Variants in CYBRD1 observed in about 807,000 individuals in gnomAD.
The protein encoded by CYBRD1 is cytochrome b reductase 1.
In CYBRD1, 14 loss-of-function variants were observed where a neutral mutation model predicts 21.9. The ratio of observed to expected loss-of-function variants is 0.64; its 90% CI spans 0.42 to 1.00. The LOEUF is 1.00. CYBRD1 is among the 50% of genes least tolerant of loss of function. The pLI is 0.00. For missense variants in CYBRD1, 328 were observed against 352.5 expected, an observed-to-expected ratio of 0.93 and a Z score of 0.56; for synonymous variants, 146 against 136.5, an observed-to-expected ratio of 1.07 and a Z score of -0.48.
At chr2:171,523,015 G>A (rs914281678) in intron 1 of CYBRD1, 2 of 484,638 alleles carry the variant, frequency 4.1e-6, no homozygotes, top group East Asian at 4.2e-5. Flanking sequence ...GAGCGGGGCC[G>A]GCCCCACTTG....
At chr2:171,554,450 C>A in intron 3 of CYBRD1, 74 bp from the exon 4 acceptor site, 1 of 1,487,510 alleles carries the variant, frequency 6.7e-7, no homozygotes, top group Non-Finnish European at 9.3e-7. Context: ...GCATTTTGAG[C>A]AGATAAATTC....
chr2:171,533,636 G>A (rs1048823657), intron 1 of CYBRD1, among the ~76,000 whole-genome samples: 45 of 152,138 alleles, frequency 3.0e-4, no homozygotes, highest in African/African-American at 9.7e-4. Flanking sequence ...AAATAGTTTT[G>A]TAATGGTATA....
At chr2:171,548,912 C>G (rs1697760909) in intron 2 of CYBRD1, among the ~76,000 whole-genome samples, 1 of 152,054 alleles carries the variant, frequency 6.6e-6, no homozygotes. Flanking sequence ...GAAGACCAAC[C>G]TGGGCAGCAT....
At chr2:171,530,150 G>A (rs2105331314) in intron 1 of CYBRD1, among the ~76,000 whole-genome samples, 1 of 152,304 alleles carries the variant, frequency 6.6e-6, no homozygotes, top group Non-Finnish European at 1.5e-5. Flanking sequence ...AGGCCGAAGA[G>A]GGTATGGCAT....
Position 171,527,979 on chromosome 2 carries a change from A to G in CYBRD1, c.193+5241A>G, listed in dbSNP as rs111483094. 1.2e-3 allele frequency among the ~76,000 whole-genome samples: 176 copies of G among 152,266 alleles called. 2 individuals are homozygous for G. The highest frequency in any genetic ancestry group is 4.1e-3 in the African/African-American group (169 of 41,556). On this transcript the variant is annotated intron_variant, in intron 1 of 3. Transcript: ENST00000321348. ...ATTGTGCTTAATATGGTAGCTAATGACTACCATGTCACTAATTCCATTGGT... is the reference window on the plus strand; with the variant it reads ...ATTGTGCTTAATATGGTAGCTAATGGCTACCATGTCACTAATTCCATTGGT...
intron 1 of CYBRD1, among the ~76,000 whole-genome samples, chr2:171,532,012 G>A (rs373805225): frequency 2.6e-5 from 4 of 152,152 alleles, no homozygotes; most frequent in African/African-American, 9.7e-5. Context: ...ACTTTCCAGA[G>A]ATTTTCAGTT....
At chr2:171,540,645 T>G (rs1356132406) in intron 1 of CYBRD1, among the ~76,000 whole-genome samples, 4 of 152,136 alleles carry the variant, frequency 2.6e-5, no homozygotes, top group African/African-American at 9.7e-5. Flanking sequence ...ATACTTGGTG[T>G]TTTCCAGGTT....
At chr2:171,533,051 G>A (rs893538571) in intron 1 of CYBRD1, among the ~76,000 whole-genome samples, 2 of 151,884 alleles carry the variant, frequency 1.3e-5, no homozygotes, top group Non-Finnish European at 2.9e-5. Context: ...TGCTTTATTA[G>A]CAATTATTCC....
At chr2:171,532,033 C>T (rs796886816) in intron 1 of CYBRD1, among the ~76,000 whole-genome samples, 19 of 152,298 alleles carry the variant, frequency 1.2e-4, no homozygotes, top group African/African-American at 4.3e-4. Flanking sequence ...TCATGACATT[C>T]GTGCTGTGAG....
Position 171,522,746 on chromosome 2 carries a change from C to A in CYBRD1, c.193+8C>A. On this transcript the variant is annotated splice_region_variant and intron_variant, in intron 1 of 3. Coordinates refer to ENST00000321348, the MANE Select transcript of CYBRD1 (RefSeq NM_024843.4). The surrounding 1 kb of genome is among the most constrained non-coding windows in gnomAD (Gnocchi z 4.3). Reference sequence around the variant, plus strand: ...TCTTCATCCAGGGCATCGGTACTGGCACCTCCTGGGGGGGTGCGGGGAGGA... The same window carrying A: ...TCTTCATCCAGGGCATCGGTACTGGAACCTCCTGGGGGGGTGCGGGGAGGA... 1 of 1,613,340 alleles carries A rather than the reference C, an allele frequency of 6.2e-7. No homozygotes were observed. Among genetic ancestry groups the A allele is most frequent in the Non-Finnish European group, 8.5e-7 (1 of 1,179,884 alleles).
At chr2:171,545,700 A>G (rs1697702698) in intron 2 of CYBRD1, among the ~76,000 whole-genome samples, 1 of 151,638 alleles carries the variant, frequency 6.6e-6, no homozygotes. Context: ...ATGTTTATTT[A>G]TTTTTTAATT....
intron 3 of CYBRD1, among the ~76,000 whole-genome samples, 160 bp from the exon 4 acceptor site, chr2:171,554,364 C>T (rs2111719): frequency 1 from 151,618 of 152,310 alleles, 75,465 homozygotes; most frequent in Middle Eastern, 1. Context: ...TATATATTCC[C>T]GAGTGAATTG....
chr2:171,533,553 C>G (rs1386353787), intron 1 of CYBRD1, among the ~76,000 whole-genome samples: 1 of 152,200 alleles, frequency 6.6e-6, no homozygotes, highest in Non-Finnish European at 1.5e-5. Context: ...CCTCTAAGCA[C>G]TCTTCCCCTA....
chr2:171,554,017 C>A (rs1055013911), intron 3 of CYBRD1, among the ~76,000 whole-genome samples: 1 of 152,290 alleles, frequency 6.6e-6, no homozygotes, highest in Middle Eastern at 3.4e-3. Context: ...TTCTTGGGTC[C>A]AAATAGCCCC....
At chr2:171,528,388 A>G (rs1697415808) in intron 1 of CYBRD1, among the ~76,000 whole-genome samples, 2 of 151,428 alleles carry the variant, frequency 1.3e-5, no homozygotes, top group East Asian at 3.9e-4. Flanking sequence ...TCTGGCCGGG[A>G]CACTTTCTTT....
In CYBRD1 at chr2:171,554,524, G is replaced by T. The variant is rs749150830; in HGVS notation, c.558G>T (p.Leu186=). ...ATTGGATACATCTCTTATTTCATAG[G>T]AGAGATCCTGCATACAGTACATTCC... The part of the protein sequence containing the change: ...MGLTEKLIFS[L]RDPAYSTFPP... Residue 186 remains leucine, a splice_region_variant and synonymous_variant, in exon 4 of 4, where the codon CTG becomes CTT. Transcript: ENST00000321348. 6.2e-7 allele frequency: 1 copy of T among 1,613,744 alleles called. No individual in the cohort carries two copies. The highest frequency in any genetic ancestry group is 8.5e-7 in the Non-Finnish European group (1 of 1,179,792).
In CYBRD1 at chr2:171,555,109, TACTC is replaced by T. The variant is rs1327039580; in HGVS notation, c.*284_*287del. Reference sequence around the variant, plus strand: ...AGCACGGTGCCTTGTGCAGAATAGATACTCAATATGTGAATATGTGTCTACTAGT... The same window carrying T: ...AGCACGGTGCCTTGTGCAGAATAGATAATATGTGAATATGTGTCTACTAGT... On this transcript the variant is annotated 3_prime_UTR_variant, in exon 4 of 4. Transcript: ENST00000321348. 6.8e-6 allele frequency: 3 copies of T among 443,918 alleles called. No individual in the cohort carries two copies. The highest frequency in any genetic ancestry group is 4.0e-5 in the African/African-American group (2 of 50,214). 27.5% of individuals were successfully genotyped at this position (443,918 alleles called of 1,614,324 possible).
At chr2:171,548,517 G>T (rs1363579999) in intron 2 of CYBRD1, among the ~76,000 whole-genome samples, 1 of 151,924 alleles carries the variant, frequency 6.6e-6, no homozygotes, top group African/African-American at 2.4e-5. Context: ...CATAAGAGGG[G>T]CAAAACGTAT....
intron 2 of CYBRD1, among the ~76,000 whole-genome samples, chr2:171,542,408 C>T (rs1300352504): frequency 2.6e-5 from 4 of 151,870 alleles, no homozygotes; most frequent in Admixed American, 2.6e-4. Flanking sequence ...CCAGCATTTT[C>T]GAAGGCCGAG....
Sources: allele counts gnomAD v4.1 joint callset (sites outside exome capture counted in the v4.1 genomes callset), GRCh38; gene constraint gnomAD v4.1.1; non-coding constraint Gnocchi (gnomAD v3.1); transcripts MANE v1.5; gene names NCBI Gene and HGNC (gene_info 2026-07-23, HGNC 2026-07-21).